CFAP54: variants seen among roughly 807,000 people sequenced by gnomAD.
CFAP54 encodes cilia and flagella associated protein 54.
CFAP54 carries 290 observed loss-of-function variants against 370.4 expected under a neutral mutation model. That is an observed-to-expected ratio of 0.78 (90% confidence interval 0.71 to 0.86). The LOEUF is 0.86. CFAP54 is among the 40% of genes least tolerant of loss of function. The probability of loss-of-function intolerance (pLI) is 0.00; values close to 1 mark genes in which losing one functional copy is unlikely to be tolerated. For synonymous variants in CFAP54, 1,206 were observed against 1,236.5 expected (o/e 0.98, Z 0.52); for missense variants, 3,399 against 3,528.7 (o/e 0.96, Z 0.93).
intron 13 of CFAP54, among the ~76,000 whole-genome samples, 170 bp from the exon 14 acceptor site, chr12:96,540,667 G>A (rs1955560182): frequency 6.6e-6 from 1 of 152,098 alleles, no homozygotes; most frequent in South Asian, 2.1e-4. Flanking sequence ...AAGGATTATT[G>A]AGTTTTATGT....
chr12:96,521,547 T>TGTGTGTGC (rs1323195775), intron 6 of CFAP54, among the ~76,000 whole-genome samples: 59 of 39,548 alleles, frequency 1.5e-3, no homozygotes, highest in African/African-American at 5.5e-3. Flanking sequence ...TGTGTGTGTG[T>TGTGTGTGC]GCGCGTGCGC....
At chr12:96,552,040 A>G (rs545709489) in intron 15 of CFAP54, among the ~76,000 whole-genome samples, 81 of 152,198 alleles carry the variant, frequency 5.3e-4, no homozygotes, top group African/African-American at 1.9e-3. Flanking sequence ...TGAGGTCAGG[A>G]GTTCGAGACA....
At chr12:96,501,547 T>C (rs1955026997) in intron 2 of CFAP54, among the ~76,000 whole-genome samples, 1 of 152,212 alleles carries the variant, frequency 6.6e-6, no homozygotes, top group Non-Finnish European at 1.5e-5. Context: ...CTTGGTTTGC[T>C]GAGACCACAG....
intron 26 of CFAP54, among the ~76,000 whole-genome samples, chr12:96,616,514 G>C (rs1301192025): frequency 1.3e-5 from 2 of 148,752 alleles, no homozygotes; most frequent in South Asian, 2.1e-4. Context: ...AGTGTAAAAA[G>C]AAAAAGATAA....
chr12:96,825,375 ATG>A (rs1178262053), intron 65 of CFAP54, among the ~76,000 whole-genome samples: 1 of 116,780 alleles, frequency 8.6e-6, no homozygotes, highest in Non-Finnish European at 1.6e-5. Flanking sequence ...ATTATGTAAC[ATG>A]TGTTATATAT....
chr12:96,750,977 C>A (rs1359023307), intron 55 of CFAP54, among the ~76,000 whole-genome samples: 1 of 152,072 alleles, frequency 6.6e-6, no homozygotes, highest in African/African-American at 2.4e-5. Flanking sequence ...TGATAATTTT[C>A]CTTTATAGTA....
Position 96,589,583 on chromosome 12 carries a change from T to A in CFAP54, c.3212+20T>A. The A allele has an allele frequency of 7.5e-7, 1 of 1,327,988 alleles. No homozygotes were observed. Among genetic ancestry groups the A allele is most frequent in the South Asian group, 1.3e-5 (1 of 75,374 alleles). 82.3% of individuals were successfully genotyped at this position (1,327,988 alleles called of 1,614,324 possible). A position where few individuals can be genotyped will look rare whatever the true frequency, so the allele number is the denominator to read the frequency against. ...AAGAAGGTAATTAGAAATATTCTTC[T>A]AAAATATTAATTTGCTTATTGAAAA... On this transcript the variant is annotated intron_variant, in intron 23 of 67. Coordinates refer to ENST00000524981, the MANE Select transcript of CFAP54 (RefSeq NM_001306084.2).
chr12:96,831,076 A>G (rs1003282254), intron 66 of CFAP54, among the ~76,000 whole-genome samples: 2 of 152,300 alleles, frequency 1.3e-5, no homozygotes, highest in South Asian at 2.1e-4. Context: ...AAGGCTAAGT[A>G]TAGTTCTTGT....
intron 50 of CFAP54, among the ~76,000 whole-genome samples, chr12:96,723,589 G>A (rs965194011): frequency 6.6e-6 from 1 of 152,088 alleles, no homozygotes; most frequent in African/African-American, 2.4e-5. Flanking sequence ...AGATGCTTGG[G>A]AAAGATTATG....
intron 63 of CFAP54, among the ~76,000 whole-genome samples, chr12:96,799,199 C>G (rs187990583): frequency 1.1e-4 from 16 of 152,218 alleles, no homozygotes; most frequent in Middle Eastern, 6.8e-3. Flanking sequence ...TTTAGGATAG[C>G]CTTGAAAATG....
At position 96,663,925 on chromosome 12, in the gene CFAP54, C is replaced by T. The variant is rs1474189470; in HGVS notation, c.5556C>T (p.Ile1852=). ...SNCTDLLKML[I]SSEYSRAKAL... ...GCACAGATTTGCTAAAAATGCTTATCTCTTCAGGTCAGAACCAATCTTAGC... is the reference window on the plus strand; with the variant it reads ...GCACAGATTTGCTAAAAATGCTTATTTCTTCAGGTCAGAACCAATCTTAGC... The change falls in exon 39 of 68, where the codon ATC becomes ATT. Residue 1852 remains isoleucine (I), a synonymous_variant. Coordinates refer to ENST00000524981, the MANE Select transcript of CFAP54 (RefSeq NM_001306084.2). The T allele has an allele frequency of 1.2e-6, 2 of 1,609,810 alleles. No individual in the cohort carries two copies. The highest frequency in any genetic ancestry group is 1.7e-6 in the Non-Finnish European group (2 of 1,176,734).
At chr12:96,820,236 C>A (rs915619107) in intron 65 of CFAP54, among the ~76,000 whole-genome samples, 1 of 152,124 alleles carries the variant, frequency 6.6e-6, no homozygotes, top group East Asian at 1.9e-4. Context: ...TGACTTAAAT[C>A]ATGTTCTGCT....
intron 63 of CFAP54, among the ~76,000 whole-genome samples, chr12:96,800,542 G>A (rs1157460859): frequency 1.3e-5 from 2 of 152,148 alleles, no homozygotes; most frequent in African/African-American, 2.4e-5. Flanking sequence ...CAGTCAAAAA[G>A]TCAAGAAACA....
rs781170994 is a variant in CFAP54, at chr12:96,658,030, C to T, written c.5249C>T (p.Ser1750Phe). The stretch of plus-strand genomic sequence containing the variant: ...TGGATCCACGACTTTGTATTAAAAT[C>T]TCTGGAAGTTTTATATCAAGTGGAA... The part of the protein sequence containing the change: ...LKWIHDFVLK[S>F]LEVLYQVEKW... Residue 1750 changes from serine (S) to phenylalanine (F), a missense_variant, in exon 37 of 68, where the codon TCT becomes TTT. Coordinates refer to ENST00000524981, the MANE Select transcript of CFAP54 (RefSeq NM_001306084.2). 3.7e-6 allele frequency: 6 copies of T among 1,613,702 alleles called. No homozygotes were observed. In the Admixed American group the frequency reaches 1.0e-4, roughly 27 times the overall value.
chr12:96,497,927 C>G (rs1356866363), intron 1 of CFAP54, among the ~76,000 whole-genome samples: 2 of 152,218 alleles, frequency 1.3e-5, no homozygotes, highest in African/African-American at 4.8e-5. Flanking sequence ...AACTCTGTAA[C>G]TGAGTAGCTT....
Position 96,580,620 on chromosome 12 carries a change from T to A in CFAP54, c.2820T>A (p.Gly940=). ...EVKVSWYCIL[G]CKAEGSYGKV... is the part of the protein sequence containing the mutation. ...AGGTCTCCTGGTACTGCATTTTGGG[T>A]TGCAAAGCAGAAGGAAGTTATGGAA... is the stretch of plus-strand genomic sequence containing the variant. Residue 940 remains glycine (G), a synonymous_variant, in exon 21 of 68, where the codon GGT becomes GGA. Transcript: ENST00000524981. 3.9e-6 allele frequency: 6 copies of A among 1,524,876 alleles called. No individual in the cohort carries two copies. Among genetic ancestry groups the A allele is most frequent in the Non-Finnish European group, 5.3e-6 (6 of 1,141,310 alleles). 94.5% of individuals were successfully genotyped at this position (1,524,876 alleles called of 1,614,324 possible).
intron 50 of CFAP54, among the ~76,000 whole-genome samples, chr12:96,724,802 G>C (rs1213832916): frequency 6.6e-6 from 1 of 152,070 alleles, no homozygotes; most frequent in Non-Finnish European, 1.5e-5. Context: ...GGTTTTTATG[G>C]TTTTAGGTCT....
At chr12:96,632,963 T>C (rs1431402452) in intron 32 of CFAP54, among the ~76,000 whole-genome samples, 1 of 152,158 alleles carries the variant, frequency 6.6e-6, no homozygotes, top group Non-Finnish European at 1.5e-5. Flanking sequence ...GTTAGATACA[T>C]CAAGGAACTG....
chr12:96,768,016 G>A (rs1958417350), intron 60 of CFAP54, among the ~76,000 whole-genome samples: 1 of 152,036 alleles, frequency 6.6e-6, no homozygotes, highest in Non-Finnish European at 1.5e-5. Flanking sequence ...CATATACCCT[G>A]AAATGATAGA....
Sources: allele counts gnomAD v4.1 joint callset (sites outside exome capture counted in the v4.1 genomes callset), GRCh38; gene constraint gnomAD v4.1.1; transcripts MANE v1.5; gene names NCBI Gene and HGNC (gene_info 2026-07-23, HGNC 2026-07-21).